The following CEP95 variants were observed in gnomAD, a reference collection of about 807,000 sequenced individuals.
CEP95 encodes centrosomal protein 95.
A neutral mutation model predicts 111.2 loss-of-function variants in CEP95; 98 were observed. The ratio of observed to expected loss-of-function variants is 0.88; its 90% CI spans 0.75 to 1.04. The LOEUF (loss-of-function observed/expected upper bound fraction) is 1.04, where lower values mean the gene tolerates loss of function less well. Ranked by LOEUF, CEP95 falls within the 50% of genes least tolerant of loss-of-function variation. CEP95 has a pLI of 0.00. For missense variants in CEP95, 1,027 were observed against 977.2 expected, an observed-to-expected ratio of 1.05 and a Z score of -0.68; for synonymous variants, 323 against 327.1, an observed-to-expected ratio of 0.99 and a Z score of 0.14.
chr17:64,507,096 A>G lies in CEP95; in HGVS notation c.-2A>G. On this transcript the variant is annotated 5_prime_UTR_variant, in exon 1 of 20. Coordinates refer to ENST00000556440, the MANE Select transcript of CEP95 (RefSeq NM_138363.3). ...AGTCCGGCGGCGACCTGCCTCTGAA[A>G]CATGGCAGGCTCGGATGCTGGTGAG... 1 of 1,551,376 alleles carries G rather than the reference A, an allele frequency of 6.4e-7. No individual in the cohort carries two copies. Among genetic ancestry groups the G allele is most frequent in the Non-Finnish European group, 8.7e-7 (1 of 1,146,920 alleles).
At chr17:64,532,572 C>G (rs1176191069) in intron 14 of CEP95, 2 of 1,235,088 alleles carry the variant, frequency 1.6e-6, no homozygotes, top group African/African-American at 3.1e-5. Context: ...GAGAATCTAC[C>G]CACAGGCACT....
intron 11 of CEP95, among the ~76,000 whole-genome samples, chr17:64,527,880 A>G (rs1967969913): frequency 7.0e-6 from 1 of 142,296 alleles, no homozygotes; most frequent in Non-Finnish European, 1.5e-5. Flanking sequence ...GTATATATAT[A>G]TATATATATA....
intron 4 of CEP95, 61 bp from the exon 5 acceptor site, chr17:64,516,662 C>A (rs1555676319): frequency 9.9e-7 from 1 of 1,012,702 alleles, no homozygotes; most frequent in Non-Finnish European, 1.5e-6. Context: ...CTGCCTCTTA[C>A]ATAGAAAAAG....
At chr17:64,524,871 T>C (rs923852512) in intron 8 of CEP95, among the ~76,000 whole-genome samples, 4 of 151,864 alleles carry the variant, frequency 2.6e-5, no homozygotes, top group Non-Finnish European at 5.9e-5. Context: ...CTCTGGAGGC[T>C]GAGTCAGGAG....
chr17:64,527,857 T>TGC (rs1967955555), intron 11 of CEP95, among the ~76,000 whole-genome samples: 1 of 107,602 alleles, frequency 9.3e-6, no homozygotes, highest in African/African-American at 5.6e-5. Context: ...ACTTAATGTG[T>TGC]GTGTGTGTGT....
chr17:64,532,521 G>A (rs535267206), intron 14 of CEP95: 1 of 985,346 alleles, frequency 1.0e-6, no homozygotes, highest in East Asian at 1.1e-4. Context: ...CTAAGCACTT[G>A]CCTACCGGGA....
chr17:64,516,372 C>A (rs185783867), intron 4 of CEP95, among the ~76,000 whole-genome samples: 1 of 152,198 alleles, frequency 6.6e-6, no homozygotes, highest in Admixed American at 6.5e-5. Context: ...TTGGAGCTTG[C>A]ATTATGTTGA....
rs1168227242 is a variant in CEP95 at position 64,537,457 on chromosome 17, T to TTTAG, written c.2290-141_2290-138dup. Reference sequence around the variant, plus strand: ...GACATTTTTATCCTATGATTTTAACTTTAGTTAGGTCTCTGTAAGAGCTGC... The same window carrying TTTAG: ...GACATTTTTATCCTATGATTTTAACTTTAGTTAGTTAGGTCTCTGTAAGAGCTGC... On this transcript the variant is annotated intron_variant, in intron 19 of 19. Coordinates refer to ENST00000556440, the MANE Select transcript of CEP95 (RefSeq NM_138363.3). 3.6e-6 allele frequency: 5 copies of TTTAG among 1,386,014 alleles called. No individual in the cohort carries two copies. In the East Asian group the frequency reaches 7.8e-5, roughly 22 times the overall value. The allele number at this position is 1,386,014 out of a possible 1,614,324, so 85.9% of individuals were successfully genotyped here.
At chr17:64,512,335 C>G (rs1291135793) in intron 3 of CEP95, among the ~76,000 whole-genome samples, 2 of 152,192 alleles carry the variant, frequency 1.3e-5, no homozygotes, top group Non-Finnish European at 2.9e-5. Flanking sequence ...GGGACAAGAA[C>G]TTTCAGTGTA....
At chr17:64,532,194 C>T (rs1968329337) in intron 14 of CEP95, 172 bp downstream of exon 14, 8 of 1,293,900 alleles carry the variant, frequency 6.2e-6, no homozygotes, top group Admixed American at 3.8e-5. Flanking sequence ...TAAAACTCTT[C>T]AATAAGGAAG....
chr17:64,516,236 T>A (rs1353232070), intron 4 of CEP95: 2 of 152,224 alleles, frequency 1.3e-5, no homozygotes, highest in African/African-American at 2.4e-5. Context: ...ATTTCCCTAG[T>A]GAGTTATAGC....
chr17:64,521,645 A>T, intron 7 of CEP95, 118 bp downstream of exon 7: 1 of 821,346 alleles, frequency 1.2e-6, no homozygotes, highest in Non-Finnish European at 1.8e-6. Context: ...GTCTTACATG[A>T]TCTTACTTGT....
At chr17:64,522,210 A>G (rs1375649988) in intron 7 of CEP95, among the ~76,000 whole-genome samples, 15 of 152,230 alleles carry the variant, frequency 9.9e-5, no homozygotes, top group African/African-American at 3.6e-4. Context: ...GTAGTAATAC[A>G]TAAAAATATT....
At chr17:64,522,353 C>T (rs1967417724) in intron 7 of CEP95, among the ~76,000 whole-genome samples, 1 of 151,922 alleles carries the variant, frequency 6.6e-6, no homozygotes, top group Non-Finnish European at 1.5e-5. Context: ...ATTAAAATTA[C>T]ATCCGGGGCC....
In CEP95 at chr17:64,532,921, A is replaced by C. The variant is rs1321012943; in HGVS notation, c.1755A>C (p.Lys585Asn). The C allele has an allele frequency of 6.2e-7, 1 of 1,613,800 alleles. No homozygotes were observed. Among genetic ancestry groups the C allele is most frequent in the African/African-American group, 1.3e-5 (1 of 74,924 alleles). ...FLYVSGPTLS[K>N]MWKQQIAQVE... Reference sequence around the variant, plus strand: ...ATGTTTCTGGCCCAACACTAAGCAAAATGTGGAAACAGCAAATTGCACAGG... The same window carrying C: ...ATGTTTCTGGCCCAACACTAAGCAACATGTGGAAACAGCAAATTGCACAGG... The change falls in exon 15 of 20, where the codon AAA (lysine) becomes AAC (asparagine). Residue 585 changes from lysine (K) to asparagine (N), a missense_variant. Physicochemically the swap from Lys to Asn is moderately conservative, Grantham distance 94 (BLOSUM62 0). Transcript: ENST00000556440.
chr17:64,536,790 G>T (rs1555681657), intron 18 of CEP95, 42 bp downstream of exon 18: 1 of 1,564,668 alleles, frequency 6.4e-7, no homozygotes, highest in East Asian at 2.2e-5. Flanking sequence ...GCTTAGTCCT[G>T]ACCACTTGCC....
At chr17:64,534,947 C>CT in intron 17 of CEP95, 1 of 544,208 alleles carries the variant, frequency 1.8e-6, no homozygotes, top group Non-Finnish European at 3.3e-6. Context: ...TGTCCCTCAT[C>CT]TTAATGTGAA....
chr17:64,532,314 T>G, intron 14 of CEP95: 1 of 1,118,832 alleles, frequency 8.9e-7, no homozygotes, highest in Non-Finnish European at 1.1e-6. Flanking sequence ...CCTTTTTGTC[T>G]ATTTCTGGGA....
chr17:64,529,279 C>G lies in CEP95; in HGVS notation c.1307-9C>G. 6.2e-7 allele frequency: 1 copy of G among 1,604,772 alleles called. No individual in the cohort carries two copies. Among genetic ancestry groups the G allele is most frequent in the Non-Finnish European group, 8.5e-7 (1 of 1,177,002 alleles). The stretch of plus-strand genomic sequence containing the variant: ...GGAACTAATGTTATATGTCTTTTCT[C>G]TGTTGCAGGACTTTCCATGCGTAGA... On this transcript the variant is annotated splice_polypyrimidine_tract_variant and intron_variant, in intron 11 of 19. Coordinates refer to ENST00000556440, the MANE Select transcript of CEP95 (RefSeq NM_138363.3).
Sources: gnomAD v4.1 joint callset for allele counts (sites outside exome capture counted in the v4.1 genomes callset) on GRCh38, gnomAD v4.1.1 for gene constraint, MANE v1.5 for transcripts, NCBI Gene and HGNC (gene_info 2026-07-23, HGNC 2026-07-21) for gene names.